Variants in GSR observed in about 807,000 individuals in gnomAD.
GSR encodes the protein glutathione-disulfide reductase, also known as glutathione reductase, mitochondrial.
In GSR, 48 loss-of-function variants were observed where a neutral mutation model predicts 56.5. That is an observed-to-expected ratio of 0.85 (90% CI 0.67 to 1.08). The LOEUF (loss-of-function observed/expected upper bound fraction) is 1.08, where lower values mean the gene tolerates loss of function less well. Among genes scored for constraint, GSR ranks in the 50% least tolerant of loss-of-function variants. GSR has a pLI of 0.00. For missense variants in GSR, 694 were observed against 703.3 expected, an observed-to-expected ratio of 0.99 and a Z score of 0.15; for synonymous variants, 264 against 270.8, an observed-to-expected ratio of 0.97 and a Z score of 0.25.
intron 1 of GSR, among the ~76,000 whole-genome samples, chr8:30,716,460 T>C (rs142292338): frequency 0.014 from 2,069 of 152,286 alleles, 39 homozygotes; most frequent in Non-Finnish European, 0.02. Flanking sequence ...TAGAGGCCTA[T>C]TTACATGCCA....
intron 1 of GSR, among the ~76,000 whole-genome samples, chr8:30,723,396 G>T (rs1233825717): frequency 6.6e-6 from 1 of 152,172 alleles, no homozygotes; most frequent in Non-Finnish European, 1.5e-5. Flanking sequence ...GGAGGTTGAG[G>T]TGGGAGGATC....
chr8:30,696,330 A>T (rs751636803), intron 7 of GSR, 50 bp downstream of exon 7: 1 of 1,256,810 alleles, frequency 8.0e-7, no homozygotes, highest in South Asian at 1.2e-5. Flanking sequence ...AAAATTCTTC[A>T]TTTTTTAAAT....
At chr8:30,698,806 G>A (rs536455016) in intron 6 of GSR, among the ~76,000 whole-genome samples, 2 of 152,288 alleles carry the variant, frequency 1.3e-5, no homozygotes, top group East Asian at 3.9e-4. Flanking sequence ...AAACTCCACA[G>A]TGAGTGCCAC....
intron 3 of GSR, among the ~76,000 whole-genome samples, chr8:30,708,940 CAG>C (rs1804014166): frequency 7.7e-6 from 1 of 130,214 alleles, no homozygotes. Flanking sequence ...GCCTGGGTGA[CAG>C]AGTGAGACTC....
In GSR at chr8:30,696,502, G is replaced by A. The variant is rs771257873; in HGVS notation, c.696-23C>T. ...CGGCTGAGACGCGAGCAGAGGGTTA[G>A]TATTCTTAAATAAACTAATTTTGGA... is the stretch of plus-strand genomic sequence containing the variant. On this transcript the variant is annotated intron_variant, in intron 6 of 12. Transcript: ENST00000221130. 3.4e-6 allele frequency: 5 copies of A among 1,490,704 alleles called. No homozygotes were observed. In the African/African-American group the frequency reaches 5.5e-5, roughly 16 times the overall value. 92.3% of individuals were successfully genotyped at this position (1,490,704 alleles called of 1,614,324 possible).
chr8:30,692,842 C>T, intron 8 of GSR, 127 bp downstream of exon 8: 1 of 731,114 alleles, frequency 1.4e-6, no homozygotes, highest in South Asian at 1.4e-5. Context: ...ATAGGGAGTA[C>T]CCTAGAGGTG....
intron 7 of GSR, among the ~76,000 whole-genome samples, chr8:30,695,788 C>T (rs1371124819): frequency 1.3e-5 from 2 of 152,024 alleles, no homozygotes; most frequent in African/African-American, 4.8e-5. Flanking sequence ...ACCTGTAATC[C>T]CAGCACTTTG....
chr8:30,689,109 A>G, intron 9 of GSR, 52 bp downstream of exon 9: 6 of 1,561,868 alleles, frequency 3.8e-6, no homozygotes, highest in South Asian at 1.1e-5. Flanking sequence ...AAATAAAACC[A>G]TAAGACTCCT....
In GSR at chr8:30,689,188, A is replaced by G. The variant is rs765241151; in HGVS notation, c.1014T>C (p.Asn338=). ...CLLWAIGRVP[N]TKDLSLNKLG... is the part of the protein sequence containing the mutation. ...GTTTGTTTAAACTCAGGTCCTTGGT[A>G]TTCGGGACCCGCCCAATGGCCCAGA... The change falls in exon 9 of 13, where the codon AAT becomes AAC. Residue 338 remains asparagine, a synonymous_variant. Coordinates refer to ENST00000221130, the MANE Select transcript of GSR (RefSeq NM_000637.5). 11 of 1,614,130 alleles carry G rather than the reference A, an allele frequency of 6.8e-6. No homozygotes were observed. The highest frequency in any genetic ancestry group is 6.7e-5 in the Admixed American group (4 of 60,010).
chr8:30,702,091 T>C (rs2128744078), intron 5 of GSR, among the ~76,000 whole-genome samples: 1 of 151,946 alleles, frequency 6.6e-6, no homozygotes, highest in African/African-American at 2.4e-5. Flanking sequence ...GGCTCACGCC[T>C]GTAATCCCAG....
At chr8:30,715,247 C>T (rs917745509) in intron 1 of GSR, among the ~76,000 whole-genome samples, 1 of 152,058 alleles carries the variant, frequency 6.6e-6, no homozygotes, top group African/African-American at 2.4e-5. Flanking sequence ...AAGCTCTGAT[C>T]ATACCACTGC....
chr8:30,712,412 T>C (rs1411402261), intron 1 of GSR, among the ~76,000 whole-genome samples: 2 of 152,162 alleles, frequency 1.3e-5, no homozygotes, highest in Non-Finnish European at 2.9e-5. Context: ...CAGGGCTTGG[T>C]AGTTCACACC....
At position 30,681,997 on chromosome 8, in the gene GSR, T is replaced by C. The variant is rs1473948000; in HGVS notation, c.1218A>G (p.Leu406=). The C allele has an allele frequency of 6.2e-7, 1 of 1,613,012 alleles. No homozygotes were observed. Among genetic ancestry groups the C allele is most frequent in the East Asian group, 2.2e-5 (1 of 44,886 alleles). The change falls in exon 11 of 13, where the codon TTA becomes TTG. Residue 406 remains leucine, a synonymous_variant. Transcript: ENST00000221130. ...CCACAGTTGGGATGTTGTTATAATC[T>C]AATTTGGAATCTTCCTTATATTCAA... is the stretch of plus-strand genomic sequence containing the variant. ...RLFEYKEDSK[L]DYNNIPTVVF...
rs750862066 is a variant in GSR, at chr8:30,692,992, C to T, written c.859G>A (p.Val287Met). ...NCTEELENAG[V>M]EVLKFSQVKE... ...ACCTGGGAGAACTTCAGCACCTCCA[C>T]GCCAGCGTTCTCCAGCTCCTCCGTG... is the stretch of plus-strand genomic sequence containing the variant. Residue 287 changes from valine (V) to methionine (M), a missense_variant, in exon 8 of 13, where the codon GTG (valine) becomes ATG (methionine). Physicochemically the swap from Val to Met is conservative, Grantham distance 21. Coordinates refer to ENST00000221130, the MANE Select transcript of GSR (RefSeq NM_000637.5). 3.8e-5 allele frequency: 62 copies of T among 1,611,610 alleles called. No individual in the cohort carries two copies. Among genetic ancestry groups the T allele is most frequent in the Admixed American group, 6.7e-5 (4 of 59,948 alleles).
chr8:30,715,823 C>T (rs1214327608), intron 1 of GSR, among the ~76,000 whole-genome samples: 1 of 152,144 alleles, frequency 6.6e-6, no homozygotes, highest in Non-Finnish European at 1.5e-5. Flanking sequence ...GTTTGTTCCT[C>T]ATGTATATTT....
At chr8:30,684,564 A>G (rs1803090045) in intron 9 of GSR, among the ~76,000 whole-genome samples, 1 of 152,162 alleles carries the variant, frequency 6.6e-6, no homozygotes, top group Admixed American at 6.6e-5. Flanking sequence ...TCCACTTTTG[A>G]GATGTTTTAA....
chr8:30,695,144 G>A (rs572301298), intron 7 of GSR, among the ~76,000 whole-genome samples: 2 of 152,196 alleles, frequency 1.3e-5, no homozygotes, highest in East Asian at 1.9e-4. Context: ...CCTGCAGGCC[G>A]TGTGCGGACC....
At chr8:30,714,387 G>A (rs986799822) in intron 1 of GSR, among the ~76,000 whole-genome samples, 8 of 151,832 alleles carry the variant, frequency 5.3e-5, no homozygotes, top group Non-Finnish European at 1.2e-4. Flanking sequence ...TTTTAGTAGA[G>A]ACAGAGTCGC....
chr8:30,723,190 G>A (rs2551696), intron 1 of GSR, among the ~76,000 whole-genome samples: 116,681 of 152,078 alleles, frequency 0.77, 49,233 homozygotes, highest in Non-Finnish European at 0.94. Context: ...CTCCCATCAC[G>A]TGTGTAGGCA....
Sources: gnomAD v4.1 joint callset for allele counts (sites outside exome capture counted in the v4.1 genomes callset) on GRCh38, gnomAD v4.1.1 for gene constraint, MANE v1.5 for transcripts, NCBI Gene and HGNC (gene_info 2026-07-23, HGNC 2026-07-21) for gene names.